The following CELF2 variants were observed in gnomAD, a reference collection of about 807,000 sequenced individuals.
The protein encoded by CELF2 is CUG triplet repeat RNA-binding protein 2.
In CELF2, 8 loss-of-function variants were observed where a neutral mutation model predicts 62.6. That is an observed-to-expected ratio of 0.13 (90% CI 0.07 to 0.23). CELF2 has a LOEUF of 0.23. Among genes scored for constraint, CELF2 ranks in the 10% least tolerant of loss-of-function variants. The pLI is 1.00. For synonymous variants in CELF2, 258 were observed against 250.0 expected (o/e 1.03, Z -0.30); for missense variants, 333 against 671.0 (o/e 0.50, Z 5.56).
At chr10:10,870,286 G>A (rs941045064) in intron 1 of CELF2, among the ~76,000 whole-genome samples, 6 of 151,942 alleles carry the variant, frequency 3.9e-5, no homozygotes, top group Non-Finnish European at 4.4e-5. Flanking sequence ...AAGGCCATAA[G>A]TCATTGAGAT....
At chr10:11,192,317 A>G (rs983742849) in intron 2 of CELF2, among the ~76,000 whole-genome samples, 4 of 152,250 alleles carry the variant, frequency 2.6e-5, no homozygotes, top group African/African-American at 9.6e-5. Flanking sequence ...GGAGGAACCA[A>G]GGGCATGGCC....
intron 1 of CELF2, among the ~76,000 whole-genome samples, chr10:10,863,271 T>A (rs2060152791): frequency 6.6e-6 from 1 of 152,210 alleles, no homozygotes; most frequent in Admixed American, 6.5e-5. Context: ...ATTAACCCTG[T>A]GAGGAAGGTA....
At chr10:10,655,941 C>A in the CELF2 span, among the ~76,000 whole-genome samples, 1 of 135,940 alleles carries the variant, frequency 7.4e-6, no homozygotes, top group Non-Finnish European at 1.6e-5. Flanking sequence ...AGGCAACCTA[C>A]AAAATGGGAG....
chr10:10,854,174 C>G (rs1184811924), intron 1 of CELF2, among the ~76,000 whole-genome samples: 3 of 152,132 alleles, frequency 2.0e-5, no homozygotes, highest in Non-Finnish European at 4.4e-5. Flanking sequence ...CTCATGAGGA[C>G]TCTGTGTCAA....
intron 1 of CELF2, among the ~76,000 whole-genome samples, chr10:10,834,945 CTCCTT>C (rs2058156635): frequency 6.6e-6 from 1 of 152,176 alleles, no homozygotes; most frequent in South Asian, 2.1e-4. Context: ...TTTGTTCCCT[CTCCTT>C]TCTTATCAAA....
At chr10:10,725,718 A>G in the CELF2 span, among the ~76,000 whole-genome samples, 2 of 152,236 alleles carry the variant, frequency 1.3e-5, no homozygotes, top group African/African-American at 4.8e-5. Flanking sequence ...AATACAGGCT[A>G]TGATGATGAC....
intron 1 of CELF2, among the ~76,000 whole-genome samples, chr10:10,917,519 T>G (rs2064459897): frequency 6.6e-6 from 1 of 152,044 alleles, no homozygotes; most frequent in African/African-American, 2.4e-5. Context: ...TTTCAAATGT[T>G]TAGTAGAGAC....
At chr10:10,746,687 G>A in the CELF2 span, among the ~76,000 whole-genome samples, 2 of 152,230 alleles carry the variant, frequency 1.3e-5, no homozygotes, top group South Asian at 4.1e-4. Flanking sequence ...TCTCATAGAC[G>A]TAAAATCGGA....
chr10:10,925,440 G>A (rs1325031940), intron 2 of CELF2, among the ~76,000 whole-genome samples: 1 of 151,960 alleles, frequency 6.6e-6, no homozygotes, highest in Non-Finnish European at 1.5e-5. Context: ...CATACACTTA[G>A]TGCGTGCTGT....
intron 9 of CELF2, among the ~76,000 whole-genome samples, chr10:11,294,225 T>C (rs578114768): frequency 3.9e-5 from 6 of 152,324 alleles, no homozygotes; most frequent in African/African-American, 1.2e-4. Context: ...CCTACTCTAA[T>C]GTGTGCTTTT....
chr10:10,540,880 C>T, the CELF2 span, among the ~76,000 whole-genome samples: 1 of 152,094 alleles, frequency 6.6e-6, no homozygotes, highest in Non-Finnish European at 1.5e-5. Context: ...TCCTGACTGT[C>T]AGCCCCCAAA....
At chr10:10,654,418 A>G in the CELF2 span, among the ~76,000 whole-genome samples, 13 of 111,102 alleles carry the variant, frequency 1.2e-4, 4 homozygotes, top group African/African-American at 1.7e-4. Context: ...ACAACCAAAA[A>G]AGAGAATTTT....
Position 11,306,612 on chromosome 10 carries a change from C to CT in CELF2, c.977-7525dup, listed in dbSNP as rs1348324787. 1.3e-5 allele frequency among the ~76,000 whole-genome samples: 2 copies of CT among 152,216 alleles called. No individual in the cohort carries two copies. Among genetic ancestry groups the CT allele is most frequent in the African/African-American group, 4.8e-5 (2 of 41,460 alleles). On this transcript the variant is annotated intron_variant, in intron 9 of 12. Transcript: ENST00000633077. This position sits in a 1 kb window ranked among gnomAD's most constrained non-coding sequence, Gnocchi z 4.4. ...GCTAAATGTACAATAAAACTACCCT[C>CT]TTACAACTGAGATGCCAGTTGGGGT... is the stretch of plus-strand genomic sequence containing the variant.
chr10:10,465,434 G>A, the CELF2 span, among the ~76,000 whole-genome samples: 2 of 152,104 alleles, frequency 1.3e-5, no homozygotes, highest in African/African-American at 4.8e-5. Context: ...AGTGTCTGGA[G>A]CTGACATAAT....
At chr10:10,980,008 G>A (rs764953311) in intron 2 of CELF2, among the ~76,000 whole-genome samples, 17 of 152,182 alleles carry the variant, frequency 1.1e-4, no homozygotes, top group African/African-American at 3.9e-4. Flanking sequence ...CAAAATGAAA[G>A]GTGAGGAAGA....
At chr10:10,527,001 G>T in the CELF2 span, among the ~76,000 whole-genome samples, 1 of 152,168 alleles carries the variant, frequency 6.6e-6, no homozygotes, top group African/African-American at 2.4e-5. Flanking sequence ...AAAATGTTAT[G>T]GTTTCATTAC....
chr10:11,312,853 G>A (rs1424028827), intron 9 of CELF2, among the ~76,000 whole-genome samples: 1 of 152,234 alleles, frequency 6.6e-6, no homozygotes, highest in Non-Finnish European at 1.5e-5. Flanking sequence ...AGAATCACTT[G>A]AACCTGGGAG....
At chr10:10,816,998 C>T (rs1207462453) in intron 1 of CELF2, among the ~76,000 whole-genome samples, 2 of 152,180 alleles carry the variant, frequency 1.3e-5, no homozygotes, top group Non-Finnish European at 2.9e-5. Context: ...AAGGTGGTGT[C>T]AGCAATTCCA....
At chr10:10,713,228 T>G in the CELF2 span, among the ~76,000 whole-genome samples, 2 of 152,210 alleles carry the variant, frequency 1.3e-5, no homozygotes, top group African/African-American at 2.4e-5. Context: ...AAGCAGAACA[T>G]TAACCTCTTT....
Sources: allele counts gnomAD v4.1 joint callset (sites outside exome capture counted in the v4.1 genomes callset), GRCh38; gene constraint gnomAD v4.1.1; non-coding constraint Gnocchi (gnomAD v3.1); transcripts MANE v1.5; gene names NCBI Gene and HGNC (gene_info 2026-07-23, HGNC 2026-07-21).